The following RIMBP2 variants were observed in gnomAD, a reference collection of about 807,000 sequenced individuals.
The protein encoded by RIMBP2 is RIMS-binding protein 2.
Under a neutral mutation model 118.6 loss-of-function variants are expected in RIMBP2, and 48 were observed. The ratio of observed to expected loss-of-function variants is 0.40; its 90% confidence interval spans 0.32 to 0.51. RIMBP2 has a LOEUF of 0.51. Among genes scored for constraint, RIMBP2 ranks in the 20% least tolerant of loss-of-function variants. The pLI, the probability that RIMBP2 is intolerant of heterozygous loss-of-function variation, is 0.41. For synonymous variants in RIMBP2, 762 were observed against 742.9 expected (o/e 1.03, Z -0.42); for missense variants, 1,551 against 1,768.3 (o/e 0.88, Z 2.20).
intron 17 of RIMBP2, among the ~76,000 whole-genome samples, chr12:130,418,304 A>C (rs1259132687): frequency 6.6e-6 from 1 of 152,122 alleles, no homozygotes; most frequent in Non-Finnish European, 1.5e-5. Flanking sequence ...GGCTGTTATG[A>C]TTTTGTTGAT....
chr12:130,659,208 T>C (rs2063551816), intron 1 of RIMBP2, among the ~76,000 whole-genome samples: 2 of 152,388 alleles, frequency 1.3e-5, no homozygotes, highest in South Asian at 4.1e-4. Flanking sequence ...CAGATAAAAC[T>C]AATTTTCATA....
chr12:130,479,933 G>A (rs974532218), intron 4 of RIMBP2, among the ~76,000 whole-genome samples: 2 of 151,762 alleles, frequency 1.3e-5, no homozygotes, highest in African/African-American at 2.4e-5. Flanking sequence ...CGGGTCTCAC[G>A]AGCCCAGAGT....
In RIMBP2 at chr12:130,441,888, C is replaced by T. The variant is rs143237813; in HGVS notation, c.1464G>A (p.Glu488=). The T allele has an allele frequency of 2.1e-3, 3,399 of 1,613,856 alleles. 9 individuals are homozygous for T. Among genetic ancestry groups the T allele is most frequent in the Non-Finnish European group, 2.3e-3 (2,689 of 1,180,046 alleles). ...MPWQLPLEQR[E]KKEAFVEFST... ...AGAACTCCACAAAGGCCTCCTTCTT[C>T]TCCCTTTGCTCCAGCGGGAGCTGCC... Residue 488 remains glutamate, a synonymous_variant, in exon 11 of 23, where the codon GAG becomes GAA. Transcript: ENST00000690449.
chr12:130,447,099 G>C lies in RIMBP2; in HGVS notation c.582-1830C>G, dbSNP rs184542649. The stretch of plus-strand genomic sequence containing the variant: ...AGGAGGAGGAGGAGGAGGAGGGAGC[G>C]AGAGGAACAGGAGCCCCCAGGCCAC... On this transcript the variant is annotated intron_variant, in intron 9 of 22. Coordinates refer to ENST00000690449, the MANE Select transcript of RIMBP2 (RefSeq NM_001393629.1). This position sits in a 1 kb window ranked among gnomAD's most constrained non-coding sequence, Gnocchi z 4.4. 1.7e-3 allele frequency among the ~76,000 whole-genome samples: 255 copies of C among 151,590 alleles called. No individual in the cohort carries two copies. The highest frequency in any genetic ancestry group is 5.8e-3 in the African/African-American group (240 of 41,084).
Position 130,407,832 on chromosome 12 carries a change from G to A in RIMBP2, c.3590-3C>T, listed in dbSNP as rs1037259672. 3 of 1,612,368 alleles carry A rather than the reference G, an allele frequency of 1.9e-6. No individual in the cohort carries two copies. Among genetic ancestry groups the A allele is most frequent in the Non-Finnish European group, 2.5e-6 (3 of 1,178,576 alleles). On this transcript the variant is annotated splice_region_variant and splice_polypyrimidine_tract_variant and intron_variant, in intron 19 of 22. Coordinates refer to ENST00000690449, the MANE Select transcript of RIMBP2 (RefSeq NM_001393629.1). ...CCTGCCACTTCTCCTGCTTCTCTCT[G>A]TTCAGATCACAAGGGGGAAAGAAAT...
chr12:130,637,687 C>T (rs1401553307), intron 1 of RIMBP2, among the ~76,000 whole-genome samples: 1 of 152,166 alleles, frequency 6.6e-6, no homozygotes, highest in Admixed American at 6.5e-5. Context: ...ACCCTGATGC[C>T]TAACAGAATG....
chr12:130,444,243 G>T (rs1417253882), intron 10 of RIMBP2, among the ~76,000 whole-genome samples: 15 of 152,194 alleles, frequency 9.9e-5, no homozygotes, highest in African/African-American at 3.6e-4. Context: ...GGACCATCCA[G>T]AGCCAAGAAC....
intron 2 of RIMBP2, among the ~76,000 whole-genome samples, chr12:130,603,498 A>G (rs563078881): frequency 6.6e-6 from 1 of 152,374 alleles, no homozygotes; most frequent in East Asian, 1.9e-4. Flanking sequence ...GATCAAAAAT[A>G]GAAGATGCAG....
At chr12:130,650,958 TAAAAAAA>T (rs397700189) in intron 1 of RIMBP2, among the ~76,000 whole-genome samples, 5 of 125,602 alleles carry the variant, frequency 4.0e-5, no homozygotes, top group African/African-American at 1.5e-4. Flanking sequence ...TTGTTTTTTT[TAAAAAAA>T]AAAAAAAAAA....
intron 2 of RIMBP2, among the ~76,000 whole-genome samples, chr12:130,531,725 A>G (rs974250864): frequency 2.6e-5 from 4 of 152,270 alleles, no homozygotes; most frequent in African/African-American, 9.6e-5. Flanking sequence ...GAACAGAGCA[A>G]AGTTCACCCA....
chr12:130,649,772 A>G (rs1366128846), intron 1 of RIMBP2, among the ~76,000 whole-genome samples: 1 of 151,986 alleles, frequency 6.6e-6, no homozygotes, highest in Non-Finnish European at 1.5e-5. Flanking sequence ...CAGTTTCACC[A>G]AGACAGCACC....
rs1192745040 is a variant in RIMBP2 at position 130,475,173 on chromosome 12, A to T, written c.102+3739T>A. On this transcript the variant is annotated intron_variant, in intron 5 of 22. Transcript: ENST00000690449. This position sits in a 1 kb window ranked among gnomAD's most constrained non-coding sequence, Gnocchi z 4.1. ...AGAGCCCTGGGCACTTTCATCACTC[A>T]TTCGTCATTCACCCATTTGTTTATT... Among the ~76,000 whole-genome samples the T allele has an allele frequency of 6.6e-6, 1 of 152,186 alleles. No individual in the cohort carries two copies. Among genetic ancestry groups the T allele is most frequent in the African/African-American group, 2.4e-5 (1 of 41,448 alleles).
chr12:130,467,828 T>C (rs1193611265), intron 6 of RIMBP2, among the ~76,000 whole-genome samples: 2 of 152,200 alleles, frequency 1.3e-5, no homozygotes, highest in African/African-American at 2.4e-5. Flanking sequence ...CTTGGGCACA[T>C]GTCATCAAGA....
chr12:130,709,268 C>A (rs1416654763), intron 1 of RIMBP2, among the ~76,000 whole-genome samples: 2 of 152,256 alleles, frequency 1.3e-5, no homozygotes, highest in Non-Finnish European at 2.9e-5. Context: ...GGGGCCCCAA[C>A]TGCCATTCGC....
At chr12:130,535,892 T>C (rs2054036109) in intron 2 of RIMBP2, among the ~76,000 whole-genome samples, 1 of 151,694 alleles carries the variant, frequency 6.6e-6, no homozygotes, top group Non-Finnish European at 1.5e-5. Context: ...GATCCTCCTG[T>C]CTCAGGCCCT....
intron 2 of RIMBP2, 106 bp downstream of exon 2, chr12:130,628,216 A>G (rs1411886485): frequency 1.3e-5 from 2 of 152,230 alleles, no homozygotes; most frequent in African/African-American, 4.8e-5. Context: ...TACAGTTGGC[A>G]CTCGATAAAT....
chr12:130,513,618 G>C (rs1423377979), intron 3 of RIMBP2, among the ~76,000 whole-genome samples: 8 of 152,152 alleles, frequency 5.3e-5, no homozygotes, highest in African/African-American at 1.7e-4. Context: ...AAGGCATCAA[G>C]CATATTCTTT....
chr12:130,433,171 C>G (rs1254607726), intron 14 of RIMBP2, among the ~76,000 whole-genome samples: 1 of 152,208 alleles, frequency 6.6e-6, no homozygotes, highest in Non-Finnish European at 1.5e-5. Context: ...TTCTGATAAG[C>G]GACTGTAGAC....
chr12:130,682,931 A>G (rs2064866584), intron 1 of RIMBP2, among the ~76,000 whole-genome samples: 1 of 152,254 alleles, frequency 6.6e-6, no homozygotes, highest in African/African-American at 2.4e-5. Context: ...CATTTGTCCC[A>G]AAAAGATTTT....
Sources: allele counts gnomAD v4.1 joint callset (sites outside exome capture counted in the v4.1 genomes callset), GRCh38; gene constraint gnomAD v4.1.1; non-coding constraint Gnocchi (gnomAD v3.1); transcripts MANE v1.5; gene names NCBI Gene and HGNC (gene_info 2026-07-23, HGNC 2026-07-21).